The following GSE1 variants were observed in gnomAD, a reference collection of about 807,000 sequenced individuals.
GSE1 encodes Gse1 coiled-coil protein.
Under a neutral mutation model 112.6 loss-of-function variants are expected in GSE1, and 32 were observed. The ratio of observed to expected loss-of-function variants is 0.28; its 90% CI spans 0.21 to 0.38. The LOEUF (loss-of-function observed/expected upper bound fraction) is 0.38. Among genes scored for constraint, GSE1 ranks in the 10% least tolerant of loss-of-function variants. The probability of loss-of-function intolerance (pLI) is 1.00; values close to 1 mark genes in which losing one functional copy is unlikely to be tolerated. For missense variants in GSE1, 2,348 were observed against 1,699.2 expected (o/e 1.38, Z -6.71); for synonymous variants, 1,115 against 735.6 (o/e 1.52, Z -8.35).
intron 1 of GSE1, among the ~76,000 whole-genome samples, chr16:85,198,229 T>C (rs369434399): frequency 3.9e-5 from 6 of 152,250 alleles, no homozygotes; most frequent in African/African-American, 1.4e-4. Context: ...CTCCCAACCA[T>C]GGGGACCAGG....
intron 1 of GSE1, among the ~76,000 whole-genome samples, chr16:85,561,450 G>A (rs1229660559): frequency 6.6e-6 from 1 of 152,066 alleles, no homozygotes; most frequent in Non-Finnish European, 1.5e-5. Flanking sequence ...GTCGTTTCTG[G>A]AGGGAGGACT....
At chr16:85,437,205 C>T (rs1011961894) in intron 2 of GSE1, among the ~76,000 whole-genome samples, 1 of 152,122 alleles carries the variant, frequency 6.6e-6, no homozygotes, top group Admixed American at 6.5e-5. Flanking sequence ...CGGACGCCTC[C>T]GCCGCCGGGC....
At chr16:85,374,815 C>T (rs1249544259) in intron 2 of GSE1, among the ~76,000 whole-genome samples, 1 of 152,178 alleles carries the variant, frequency 6.6e-6, no homozygotes, top group Non-Finnish European at 1.5e-5. Context: ...TTCTGCCTCA[C>T]TGAGGACGGA....
intron 1 of GSE1, among the ~76,000 whole-genome samples, chr16:85,281,296 C>T (rs181112507): frequency 9.2e-5 from 14 of 152,108 alleles, no homozygotes; most frequent in East Asian, 3.9e-4. Flanking sequence ...AGGCAGGTGA[C>T]GGCTCCTCTG....
intron 1 of GSE1, among the ~76,000 whole-genome samples, chr16:85,333,582 G>A (rs555542679): frequency 2.4e-4 from 37 of 152,380 alleles, no homozygotes; most frequent in Non-Finnish European, 4.3e-4. Context: ...TTTACTGTAT[G>A]TGGCCCTGGG....
chr16:85,597,972 T>C (rs2151467306), intron 1 of GSE1, among the ~76,000 whole-genome samples: 1 of 152,258 alleles, frequency 6.6e-6, no homozygotes, highest in East Asian at 1.9e-4. Flanking sequence ...AAGGGTGTCC[T>C]GCTTCTTGTG....
chr16:85,462,923 C>T (rs1212158750), intron 2 of GSE1, among the ~76,000 whole-genome samples: 2 of 151,402 alleles, frequency 1.3e-5, no homozygotes, highest in African/African-American at 2.4e-5. Context: ...TGCTCCGTGC[C>T]GCCCCGCAGA....
intron 1 of GSE1, among the ~76,000 whole-genome samples, chr16:85,181,680 G>A (rs1046167597): frequency 1.3e-5 from 2 of 152,242 alleles, no homozygotes; most frequent in Non-Finnish European, 2.9e-5. Flanking sequence ...AGGCTTGTGT[G>A]GGGGAGTGAC....
At chr16:85,427,438 T>G (rs1394467221) in intron 2 of GSE1, among the ~76,000 whole-genome samples, 1 of 152,092 alleles carries the variant, frequency 6.6e-6, no homozygotes, top group African/African-American at 2.4e-5. Flanking sequence ...GACCAGGAGT[T>G]TGAAACTAGC....
At chr16:85,614,038 T>G (rs2048193824) in intron 1 of GSE1, among the ~76,000 whole-genome samples, 5 of 148,336 alleles carry the variant, frequency 3.4e-5, no homozygotes, top group East Asian at 2.1e-4. Context: ...GCTCGGCCGC[T>G]TCTCTCCTCT....
intron 2 of GSE1, among the ~76,000 whole-genome samples, chr16:85,434,281 G>A (rs1309101918): frequency 6.6e-6 from 1 of 150,902 alleles, no homozygotes; most frequent in Non-Finnish European, 1.5e-5. Context: ...TCTAGGGCAT[G>A]GCCTAGGAGT....
At chr16:85,643,456 A>C (rs375358916) in intron 2 of GSE1, among the ~76,000 whole-genome samples, 4 of 152,290 alleles carry the variant, frequency 2.6e-5, no homozygotes, top group East Asian at 3.9e-4. Context: ...GCCCCAGAGA[A>C]GCTCCCCACC....
intron 2 of GSE1, among the ~76,000 whole-genome samples, chr16:85,401,006 A>G (rs558941174): frequency 4.9e-4 from 74 of 152,292 alleles, no homozygotes; most frequent in African/African-American, 1.7e-3. Flanking sequence ...GAGCATCTAC[A>G]TCAGTGCGGG....
chr16:85,396,656 G>A (rs1461213065), intron 2 of GSE1, among the ~76,000 whole-genome samples: 1 of 152,234 alleles, frequency 6.6e-6, no homozygotes, highest in African/African-American at 2.4e-5. Context: ...AGTTCAGGAC[G>A]TTCAGGCCAT....
chr16:85,540,751 C>A (rs986194778), intron 2 of GSE1, among the ~76,000 whole-genome samples: 1 of 151,806 alleles, frequency 6.6e-6, no homozygotes, highest in Non-Finnish European at 1.5e-5. Context: ...CCTGTCTCTT[C>A]AAAAAATTAG....
At chr16:85,666,772 G>C (rs1366407459) in intron 13 of GSE1, 1 of 197,028 alleles carries the variant, frequency 5.1e-6, no homozygotes. Flanking sequence ...TCAGGGTAGA[G>C]CTTCCCTTCC....
intron 2 of GSE1, among the ~76,000 whole-genome samples, chr16:85,417,377 C>T (rs1308304827): frequency 6.9e-6 from 1 of 144,460 alleles, no homozygotes; most frequent in African/African-American, 2.5e-5. Flanking sequence ...CCTGTCAGGC[C>T]GCTAGTCTGC....
At chr16:85,183,013 C>T (rs1006077965) in intron 1 of GSE1, among the ~76,000 whole-genome samples, 4 of 152,156 alleles carry the variant, frequency 2.6e-5, no homozygotes, top group African/African-American at 9.7e-5. Flanking sequence ...GTTACACATG[C>T]GGTCACATGC....
At chr16:85,494,736 G>T (rs983596110) in intron 2 of GSE1, among the ~76,000 whole-genome samples, 1 of 152,176 alleles carries the variant, frequency 6.6e-6, no homozygotes, top group Non-Finnish European at 1.5e-5. Context: ...ATTCTGGGTG[G>T]ATATAAATTT....
Sources: gnomAD v4.1 joint callset for allele counts (sites outside exome capture counted in the v4.1 genomes callset) on GRCh38, gnomAD v4.1.1 for gene constraint, MANE v1.5 for transcripts, NCBI Gene and HGNC (gene_info 2026-07-23, HGNC 2026-07-21) for gene names.